SLX4IP: variants seen among roughly 807,000 people sequenced by gnomAD.
SLX4IP encodes the protein SLX4 interacting protein.
A neutral mutation model predicts 32.9 loss-of-function variants in SLX4IP; 34 were observed. That is an observed-to-expected ratio of 1.03 (90% confidence interval 0.79 to 1.38). The LOEUF (loss-of-function observed/expected upper bound fraction) is 1.38, where lower values mean the gene tolerates loss of function less well. SLX4IP is among the 40% of genes most tolerant of loss of function. The pLI is 0.00. For synonymous variants in SLX4IP, 172 were observed against 171.7 expected (o/e 1.00, Z -0.01); for missense variants, 444 against 479.0 (o/e 0.93, Z 0.68).
chr20:10,559,757 G>A (rs1368567652), intron 3 of SLX4IP, among the ~76,000 whole-genome samples: 1 of 152,090 alleles, frequency 6.6e-6, no homozygotes, highest in African/African-American at 2.4e-5. Context: ...CTAGTGATAA[G>A]GAATACTGAA....
At chr20:10,461,943 A>G (rs1194117488) in intron 2 of SLX4IP, among the ~76,000 whole-genome samples, 1 of 152,104 alleles carries the variant, frequency 6.6e-6, no homozygotes, top group African/African-American at 2.4e-5. Flanking sequence ...ACTCTCGGCT[A>G]ATTTTTTTTA....
chr20:10,575,871 A>G (rs1254807891), intron 4 of SLX4IP, among the ~76,000 whole-genome samples: 1 of 152,132 alleles, frequency 6.6e-6, no homozygotes, highest in African/African-American at 2.4e-5. Flanking sequence ...GAAGGAGAAA[A>G]TGGATACTAG....
chr20:10,551,504 A>G lies in SLX4IP; in HGVS notation c.28-4727A>G, dbSNP rs577859106. On this transcript the variant is annotated intron_variant, in intron 2 of 7. Coordinates refer to ENST00000334534, the MANE Select transcript of SLX4IP (RefSeq NM_001009608.3). ...TGTTTTTTTCATTTGTCTTCCTTTC[A>G]TTAAATATTAAGTATTCACTGAGGG... Among the ~76,000 whole-genome samples the G allele has an allele frequency of 2.6e-5, 4 of 152,178 alleles. No individual in the cohort carries two copies. The East Asian group carries it at 7.7e-4, about 29-fold the overall frequency.
intron 2 of SLX4IP, among the ~76,000 whole-genome samples, chr20:10,494,299 G>A (rs562817234): frequency 6.6e-6 from 1 of 151,380 alleles, no homozygotes; most frequent in South Asian, 2.1e-4. Context: ...CTGGGCCTGT[G>A]GTTCTAGGGC....
At chr20:10,455,578 C>CTTTTATTTTTTT (rs1555805453) in intron 1 of SLX4IP, among the ~76,000 whole-genome samples, 1 of 116,644 alleles carries the variant, frequency 8.6e-6, no homozygotes, top group East Asian at 3.4e-4. Flanking sequence ...ACCTGTATGT[C>CTTTTATTTTTTT]TTTTATTTAT....
At chr20:10,447,790 T>C (rs532664765) in intron 1 of SLX4IP, among the ~76,000 whole-genome samples, 1 of 151,912 alleles carries the variant, frequency 6.6e-6, no homozygotes, top group Non-Finnish European at 1.5e-5. Context: ...AGCCTTGAAC[T>C]CCTGGGCTCA....
intron 1 of SLX4IP, among the ~76,000 whole-genome samples, chr20:10,455,926 A>G (rs1380010434): frequency 1.3e-5 from 2 of 152,046 alleles, no homozygotes; most frequent in Non-Finnish European, 2.9e-5. Context: ...GTCTGTTCTT[A>G]TGCTAGTATA....
In SLX4IP at chr20:10,624,293, G is replaced by C. The variant is rs551695168; in HGVS notation, c.*914G>C. The C allele has an allele frequency of 6.6e-6, 1 of 152,300 alleles. No individual in the cohort carries two copies. The highest frequency in any genetic ancestry group is 2.1e-4 in the South Asian group (1 of 4,824). 9.4% of individuals were successfully genotyped at this position (152,300 alleles called of 1,614,324 possible). On this transcript the variant is annotated 3_prime_UTR_variant, in exon 8 of 8. Transcript: ENST00000334534. ...CTCTTGCACCCACCTCCAGGATTTT[G>C]GTTTGGGACAGACTATAACCTAACA...
intron 6 of SLX4IP, among the ~76,000 whole-genome samples, chr20:10,606,665 G>A (rs960448262): frequency 2.0e-5 from 3 of 152,154 alleles, no homozygotes; most frequent in Admixed American, 2.0e-4. Flanking sequence ...GTACAAAAAA[G>A]CTTTTAATCC....
chr20:10,514,057 T>G (rs1383360395), intron 2 of SLX4IP, among the ~76,000 whole-genome samples: 1 of 152,168 alleles, frequency 6.6e-6, no homozygotes, highest in African/African-American at 2.4e-5. Context: ...TTTTTGTACA[T>G]TTTCCAAAGC....
intron 4 of SLX4IP, among the ~76,000 whole-genome samples, chr20:10,582,175 G>T (rs1033579656): frequency 2.0e-5 from 3 of 152,184 alleles, no homozygotes; most frequent in Admixed American, 2.0e-4. Flanking sequence ...GTGTACTCCT[G>T]TCAGTGAGTG....
At chr20:10,452,948 A>G (rs1022481569) in intron 1 of SLX4IP, among the ~76,000 whole-genome samples, 1 of 152,014 alleles carries the variant, frequency 6.6e-6, no homozygotes, top group African/African-American at 2.4e-5. Context: ...TTGCTTTACT[A>G]TAGCTATTGT....
chr20:10,491,662 T>TA (rs2065625284), intron 2 of SLX4IP, among the ~76,000 whole-genome samples: 1 of 152,238 alleles, frequency 6.6e-6, no homozygotes, highest in African/African-American at 2.4e-5. Flanking sequence ...ACTTATGTGT[T>TA]ATGTAATAAT....
intron 2 of SLX4IP, among the ~76,000 whole-genome samples, chr20:10,506,490 G>A (rs1315254731): frequency 1.3e-5 from 2 of 152,166 alleles, no homozygotes; most frequent in Non-Finnish European, 2.9e-5. Flanking sequence ...TAACAAGACA[G>A]ACAGGCCTTA....
intron 1 of SLX4IP, among the ~76,000 whole-genome samples, chr20:10,454,939 T>C (rs2065272273): frequency 6.6e-6 from 1 of 152,248 alleles, no homozygotes; most frequent in Admixed American, 6.5e-5. Context: ...TAGCTATTTA[T>C]CTTAATGGGT....
At chr20:10,450,975 A>G (rs1177364230) in intron 1 of SLX4IP, among the ~76,000 whole-genome samples, 1 of 151,986 alleles carries the variant, frequency 6.6e-6, no homozygotes, top group Non-Finnish European at 1.5e-5. Flanking sequence ...GATGGTCTCG[A>G]TCTCCTGACC....
At chr20:10,458,753 G>A (rs530876688) in intron 2 of SLX4IP, among the ~76,000 whole-genome samples, 2 of 152,068 alleles carry the variant, frequency 1.3e-5, no homozygotes, top group South Asian at 2.1e-4. Context: ...TTCTTTATCC[G>A]TTTTTTCACT....
chr20:10,486,899 T>C (rs2122389984), intron 2 of SLX4IP, among the ~76,000 whole-genome samples: 1 of 151,034 alleles, frequency 6.6e-6, no homozygotes. Flanking sequence ...AAGTAATGCC[T>C]GAATCTCTAC....
chr20:10,615,038 G>A (rs900565377), intron 6 of SLX4IP, among the ~76,000 whole-genome samples: 24 of 151,896 alleles, frequency 1.6e-4, no homozygotes, highest in African/African-American at 5.8e-4. Flanking sequence ...ATATATTATT[G>A]AAATGTAATT....
Sources: allele counts gnomAD v4.1 joint callset (sites outside exome capture counted in the v4.1 genomes callset), GRCh38; gene constraint gnomAD v4.1.1; transcripts MANE v1.5; gene names NCBI Gene and HGNC (gene_info 2026-07-23, HGNC 2026-07-21).